DLG1: variants seen among roughly 807,000 people sequenced by gnomAD.
DLG1 encodes the protein discs large MAGUK scaffold protein 1.
DLG1 carries 42 observed loss-of-function variants against 123.4 expected under a neutral mutation model. That is an observed-to-expected ratio of 0.34 (90% confidence interval 0.27 to 0.44). The LOEUF (loss-of-function observed/expected upper bound fraction) is 0.44. Among genes scored for constraint, DLG1 ranks in the 20% least tolerant of loss-of-function variants. The probability of loss-of-function intolerance (pLI) is 1.00; values close to 1 mark genes in which losing one functional copy is unlikely to be tolerated. For synonymous variants in DLG1, 317 were observed against 356.2 expected (o/e 0.89, Z 1.24); for missense variants, 942 against 1,082.6 (o/e 0.87, Z 1.82).
intron 4 of DLG1, among the ~76,000 whole-genome samples, chr3:197,208,402 T>C (rs896044974): frequency 4.8e-5 from 7 of 146,842 alleles, no homozygotes; most frequent in African/African-American, 1.7e-4. Flanking sequence ...ATTCTACTTT[T>C]AGGAATTTAT....
At chr3:197,219,652 A>C (rs1052465645) in intron 4 of DLG1, among the ~76,000 whole-genome samples, 1 of 152,236 alleles carries the variant, frequency 6.6e-6, no homozygotes, top group Non-Finnish European at 1.5e-5. Flanking sequence ...AAGGTGATTA[A>C]GATGTGGCCA....
rs912360006 is a variant in DLG1 at position 197,260,981 on chromosome 3, GAATA to G, written c.318+21694_318+21697del. On this transcript the variant is annotated intron_variant, in intron 4 of 24. Transcript: ENST00000667157. ...GCCTTTTTTTCTTTGCTAAAAAAGTGAATAAATAACATTTTACCAACAAAGGCAA... is the reference window on the plus strand; with the variant it reads ...GCCTTTTTTTCTTTGCTAAAAAAGTGAATAACATTTTACCAACAAAGGCAA... 8.6e-5 allele frequency among the ~76,000 whole-genome samples: 13 copies of G among 151,840 alleles called. No homozygotes were observed. In the South Asian group the frequency reaches 1.5e-3, roughly 17 times the overall value.
rs1207710220 is a variant in DLG1, at chr3:197,127,345, C to T, written c.1165+3182G>A. On this transcript the variant is annotated intron_variant, in intron 11 of 24. Coordinates refer to ENST00000667157, the MANE Select transcript of DLG1 (RefSeq NM_001366207.1). ...GGCTGAGGCAGGAGGATCGCTTGAA[C>T]CTGGGAGGCGGAGGTTGCAGTGAGC... Among the ~76,000 whole-genome samples, 5 of 141,488 alleles carry T rather than the reference C, an allele frequency of 3.5e-5. No homozygotes were observed. In the Admixed American group the frequency reaches 3.6e-4, roughly 10 times the overall value. 92.8% of individuals were successfully genotyped at this position (141,488 alleles called of 152,430 possible).
At chr3:197,193,462 GATGT>G (rs1488283628) in intron 5 of DLG1, among the ~76,000 whole-genome samples, 1 of 152,154 alleles carries the variant, frequency 6.6e-6, no homozygotes, top group Non-Finnish European at 1.5e-5. Context: ...TATCCACAAA[GATGT>G]ATATATAACC....
chr3:197,198,212 A>G (rs1480775750), intron 4 of DLG1, among the ~76,000 whole-genome samples: 1 of 152,196 alleles, frequency 6.6e-6, no homozygotes, highest in Non-Finnish European at 1.5e-5. Context: ...CAAAGGGGCC[A>G]GGTGCGGTGG....
At chr3:197,293,638 T>C (rs1668862) in intron 3 of DLG1, among the ~76,000 whole-genome samples, 85,588 of 150,204 alleles carry the variant, frequency 0.57, 24,670 homozygotes, top group East Asian at 0.78. Flanking sequence ...ACTCAAACTT[T>C]TTTAAATGCA....
intron 4 of DLG1, among the ~76,000 whole-genome samples, chr3:197,278,122 A>C (rs754894799): frequency 9.9e-5 from 15 of 151,494 alleles, no homozygotes; most frequent in Non-Finnish European, 2.1e-4. Context: ...CCATCTCTAC[A>C]AAAATACAAA....
Position 197,085,714 on chromosome 3 carries a change from G to A in DLG1, c.1704C>T (p.Pro568=), listed in dbSNP as rs1232004769. 6.2e-7 allele frequency: 1 copy of A among 1,613,714 alleles called. No homozygotes were observed. The highest frequency in any genetic ancestry group is 1.3e-5 in the African/African-American group (1 of 74,868). The change falls in exon 16 of 25, where the codon CCC becomes CCT. Residue 568 remains proline, a synonymous_variant. Coordinates refer to ENST00000667157, the MANE Select transcript of DLG1 (RefSeq NM_001366207.1). ...CAAATTTGAAGTTCAGTCCCTGACT[G>A]GGAAGCCCACTGTCTTTAGTCTTGT... The part of the protein sequence containing the change: ...DYDKTKDSGL[P]SQGLNFKFGD...
At position 197,074,075 on chromosome 3, in the gene DLG1, A is replaced by G. The variant is rs1227319866; in HGVS notation, c.2005+2511T>C. Among the ~76,000 whole-genome samples, 7 of 152,262 alleles carry G rather than the reference A, an allele frequency of 4.6e-5. No homozygotes were observed. The East Asian group carries it at 1.3e-3, about 29-fold the overall frequency. On this transcript the variant is annotated intron_variant, in intron 18 of 24. Coordinates refer to ENST00000667157, the MANE Select transcript of DLG1 (RefSeq NM_001366207.1). ...CCTTCTTCCCAGTATTTACTACTAC[A>G]TAATCATGGGCACCTTGTCAACTGC...
chr3:197,191,249 G>C (rs1382256592), intron 5 of DLG1, among the ~76,000 whole-genome samples: 2 of 152,028 alleles, frequency 1.3e-5, no homozygotes, highest in Admixed American at 1.3e-4. Context: ...ACTCTGGAGA[G>C]GCCTAAACCC....
intron 17 of DLG1, among the ~76,000 whole-genome samples, chr3:197,079,887 T>TAAA (rs1749758250): frequency 6.6e-6 from 1 of 152,158 alleles, no homozygotes; most frequent in Non-Finnish European, 1.5e-5. Flanking sequence ...TTTAAAGCTT[T>TAAA]AAGTCTGAGT....
Position 197,201,846 on chromosome 3 carries a change from A to C in DLG1, c.319-7257T>G, listed in dbSNP as rs753924174. Among the ~76,000 whole-genome samples, 9 of 152,210 alleles carry C rather than the reference A, an allele frequency of 5.9e-5. 1 individual carries two copies. Among genetic ancestry groups the C allele is most frequent in the Non-Finnish European group, 1.3e-4 (9 of 68,032 alleles). On this transcript the variant is annotated intron_variant, in intron 4 of 24. Coordinates refer to ENST00000667157, the MANE Select transcript of DLG1 (RefSeq NM_001366207.1). ...CCTAAAGTTCATATGGAACCAAAAA[A>C]GAGCCCAAATAGCTTAGCCAAAGCA...
intron 1 of DLG1, chr3:197,297,482 C>G: frequency 7.6e-7 from 1 of 1,318,604 alleles, no homozygotes; most frequent in Non-Finnish European, 9.7e-7. Context: ...AAAGCGTCCC[C>G]TCCCCAAAGA....
intron 4 of DLG1, among the ~76,000 whole-genome samples, chr3:197,229,750 A>G (rs994231016): frequency 2.0e-5 from 3 of 152,252 alleles, no homozygotes; most frequent in African/African-American, 7.2e-5. Context: ...TTGCCTAAGA[A>G]CTTTGCTTTT....
At position 197,071,507 on chromosome 3, in the gene DLG1, C is replaced by A. The variant is rs1194952620; in HGVS notation, c.2006-2247G>T. On this transcript the variant is annotated intron_variant, in intron 18 of 24. Transcript: ENST00000667157. ...CTGCAGGTTCTTTCAAATATCATTT[C>A]ACTTAGCTCTTCTACAATAAAGCCT... 2.7e-5 allele frequency among the ~76,000 whole-genome samples: 4 copies of A among 150,912 alleles called. No individual in the cohort carries two copies. The East Asian group carries it at 5.9e-4, about 22-fold the overall frequency.
At chr3:197,221,468 C>A (rs559779211) in intron 4 of DLG1, among the ~76,000 whole-genome samples, 1 of 151,540 alleles carries the variant, frequency 6.6e-6, no homozygotes, top group Non-Finnish European at 1.5e-5. Context: ...TGCAGTGAAC[C>A]GAGCCGAGGC....
At chr3:197,241,448 T>C (rs756137438) in intron 4 of DLG1, among the ~76,000 whole-genome samples, 4 of 151,520 alleles carry the variant, frequency 2.6e-5, no homozygotes, top group African/African-American at 4.8e-5. Flanking sequence ...CCATGAAAAA[T>C]AAAACAAACT....
chr3:197,273,628 G>A (rs1249632626), intron 4 of DLG1, among the ~76,000 whole-genome samples: 4 of 151,928 alleles, frequency 2.6e-5, no homozygotes, highest in Admixed American at 2.0e-4. Flanking sequence ...CAAGGTCAAA[G>A]AGAAAGGGAA....
At chr3:197,151,534 G>A (rs1238374508) in intron 5 of DLG1, among the ~76,000 whole-genome samples, 1 of 152,098 alleles carries the variant, frequency 6.6e-6, no homozygotes, top group Non-Finnish European at 1.5e-5. Flanking sequence ...GAGTAGGAGG[G>A]GTTATGAATC....
Sources: allele counts gnomAD v4.1 joint callset (sites outside exome capture counted in the v4.1 genomes callset), GRCh38; gene constraint gnomAD v4.1.1; transcripts MANE v1.5; gene names NCBI Gene and HGNC (gene_info 2026-07-23, HGNC 2026-07-21).